Variants in EYS observed in about 807,000 individuals in gnomAD.
EYS encodes the protein protein eyes shut homolog.
In EYS, 250 loss-of-function variants were observed where a neutral mutation model predicts 282.1. The observed-to-expected ratio is 0.89, with a 90% confidence interval of 0.80 to 0.98. The LOEUF (loss-of-function observed/expected upper bound fraction) is 0.98, where lower values mean the gene tolerates loss of function less well. EYS is among the 50% of genes least tolerant of loss of function. The pLI is 0.00. For synonymous variants in EYS, 1,355 were observed against 1,282.9 expected (o/e 1.06, Z -1.20); for missense variants, 4,016 against 3,709.0 (o/e 1.08, Z -2.15).
chr6:64,567,950 T>A (rs988339957), intron 26 of EYS, among the ~76,000 whole-genome samples: 1 of 152,218 alleles, frequency 6.6e-6, no homozygotes, highest in South Asian at 2.1e-4. Context: ...CCCATCATAC[T>A]GTCTGGAGAA....
At chr6:63,844,103 G>T (rs543967595) in intron 36 of EYS, among the ~76,000 whole-genome samples, 1 of 152,258 alleles carries the variant, frequency 6.6e-6, no homozygotes. Context: ...AGAACATGGG[G>T]TGTTTGGTTT....
intron 12 of EYS, among the ~76,000 whole-genome samples, chr6:65,157,710 A>G (rs1764760229): frequency 6.6e-6 from 1 of 150,764 alleles, no homozygotes; most frequent in Non-Finnish European, 1.5e-5. Flanking sequence ...TTTGAGCAAA[A>G]TATCTGAAAG....
chr6:65,609,875 T>C (rs1341978839), intron 2 of EYS, among the ~76,000 whole-genome samples: 1 of 152,120 alleles, frequency 6.6e-6, no homozygotes, highest in Non-Finnish European at 1.5e-5. Flanking sequence ...TACACTTATC[T>C]TTTTGAATGC....
In EYS at chr6:65,402,510, T is replaced by C. The variant is rs2150363776; in HGVS notation, c.1152A>G (p.Thr384=). ...CESFPLRNNA[T]CKKCEKDYPC... ...GATAATCTTTCTCACATTTCTTACA[T>C]GTAGCATTATTCCTCAAAGGAAATG... The change falls in exon 7 of 43, where the codon ACA becomes ACG. Residue 384 remains threonine (T), a synonymous_variant. Coordinates refer to ENST00000503581, the MANE Select transcript of EYS (RefSeq NM_001142800.2). The C allele has an allele frequency of 2.0e-6, 3 of 1,531,850 alleles. No individual in the cohort carries two copies. Among genetic ancestry groups the C allele is most frequent in the Non-Finnish European group, 2.7e-6 (3 of 1,106,218 alleles). The allele number at this position is 1,531,850 out of a possible 1,614,324, so 94.9% of individuals were successfully genotyped here. A position where few individuals can be genotyped will look rare whatever the true frequency, so the allele number is the denominator to read the frequency against.
chr6:65,603,378 T>C (rs1765677246), intron 2 of EYS, among the ~76,000 whole-genome samples: 1 of 151,956 alleles, frequency 6.6e-6, no homozygotes, highest in African/African-American at 2.4e-5. Flanking sequence ...TGATGGTCAT[T>C]TGTCAATTGG....
At chr6:64,553,709 G>A (rs1320717035) in intron 26 of EYS, among the ~76,000 whole-genome samples, 1 of 151,784 alleles carries the variant, frequency 6.6e-6, no homozygotes, top group Non-Finnish European at 1.5e-5. Context: ...CATAGGTCTT[G>A]GATTCTTTAA....
chr6:65,099,662 T>G (rs1774839003), intron 12 of EYS, among the ~76,000 whole-genome samples: 1 of 150,740 alleles, frequency 6.6e-6, no homozygotes, highest in Admixed American at 6.6e-5. Flanking sequence ...ATACTCATAT[T>G]AAATGTGAGA....
intron 2 of EYS, among the ~76,000 whole-genome samples, chr6:65,524,378 G>A (rs1040400016): frequency 1.1e-4 from 16 of 152,142 alleles, no homozygotes; most frequent in African/African-American, 3.9e-4. Flanking sequence ...CAGAGCACAA[G>A]GTCACAGAAA....
chr6:64,529,211 T>A (rs977749605), intron 26 of EYS, among the ~76,000 whole-genome samples: 1 of 152,062 alleles, frequency 6.6e-6, no homozygotes, highest in African/African-American at 2.4e-5. Context: ...ATGTACATCA[T>A]TCAATGGCCT....
intron 19 of EYS, among the ~76,000 whole-genome samples, chr6:64,875,055 C>T (rs1176392194): frequency 6.6e-6 from 1 of 152,058 alleles, no homozygotes; most frequent in Non-Finnish European, 1.5e-5. Context: ...ATGTTTACTG[C>T]AGGAAGTATC....
intron 33 of EYS, among the ~76,000 whole-genome samples, chr6:64,004,575 T>C (rs1768252435): frequency 6.6e-6 from 1 of 152,146 alleles, no homozygotes; most frequent in African/African-American, 2.4e-5. Context: ...AGCATAGTAC[T>C]GTTAGGTAGT....
chr6:65,363,248 C>T (rs1455232043), intron 8 of EYS, among the ~76,000 whole-genome samples: 1 of 151,912 alleles, frequency 6.6e-6, no homozygotes, highest in Non-Finnish European at 1.5e-5. Context: ...TACATAACAT[C>T]TATTTATTTC....
chr6:64,698,167 C>T (rs1182229711), intron 22 of EYS, among the ~76,000 whole-genome samples: 1 of 151,914 alleles, frequency 6.6e-6, no homozygotes, highest in Non-Finnish European at 1.5e-5. Flanking sequence ...GTACCAAAAC[C>T]TTTGGGATAT....
chr6:63,872,914 T>A (rs1369041551), intron 35 of EYS, among the ~76,000 whole-genome samples: 1 of 152,066 alleles, frequency 6.6e-6, no homozygotes. Flanking sequence ...TACACAGAAA[T>A]CCAAGCAGAA....
At chr6:65,257,626 C>G (rs1462389451) in intron 12 of EYS, among the ~76,000 whole-genome samples, 2 of 151,336 alleles carry the variant, frequency 1.3e-5, no homozygotes, top group East Asian at 3.9e-4. Flanking sequence ...TTCCATTGAT[C>G]TATATCTCTG....
At chr6:64,697,028 C>T (rs934506067) in intron 22 of EYS, among the ~76,000 whole-genome samples, 2 of 152,022 alleles carry the variant, frequency 1.3e-5, no homozygotes, top group African/African-American at 4.8e-5. Flanking sequence ...CTAAATAATG[C>T]TTAACATTAC....
At chr6:64,775,934 T>C (rs1391639909) in intron 22 of EYS, among the ~76,000 whole-genome samples, 1 of 152,068 alleles carries the variant, frequency 6.6e-6, no homozygotes, top group African/African-American at 2.4e-5. Flanking sequence ...TGATGATGCT[T>C]CAAAAGAACA....
intron 2 of EYS, among the ~76,000 whole-genome samples, chr6:65,525,669 CTT>C (rs1562240797): frequency 6.6e-6 from 1 of 152,300 alleles, no homozygotes; most frequent in East Asian, 1.9e-4. Context: ...ATCACTGACT[CTT>C]TTGTTTTCCA....
At chr6:64,869,278 T>G (rs9351465) in intron 19 of EYS, among the ~76,000 whole-genome samples, 23,511 of 151,436 alleles carry the variant, frequency 0.16, 2,149 homozygotes, top group East Asian at 0.49. Flanking sequence ...CTGAATTAAC[T>G]AAAAATACAA....
Sources: allele counts gnomAD v4.1 joint callset (sites outside exome capture counted in the v4.1 genomes callset), GRCh38; gene constraint gnomAD v4.1.1; transcripts MANE v1.5; gene names NCBI Gene and HGNC (gene_info 2026-07-23, HGNC 2026-07-21).